The following CDCA7L variants were observed in gnomAD, a reference collection of about 807,000 sequenced individuals.
CDCA7L encodes the protein cell division cycle-associated 7-like protein.
CDCA7L carries 44 observed loss-of-function variants against 57.4 expected under a neutral mutation model. The observed-to-expected ratio is 0.77, with a 90% CI of 0.60 to 0.98. The LOEUF is 0.98. Ranked by LOEUF, CDCA7L falls within the 50% of genes least tolerant of loss-of-function variation. CDCA7L has a pLI of 0.00. For missense variants in CDCA7L, 644 were observed against 580.6 expected (o/e 1.11, Z -1.12); for synonymous variants, 236 against 202.8 (o/e 1.16, Z -1.39).
chr7:21,910,431 C>G (rs973324587), intron 3 of CDCA7L, among the ~76,000 whole-genome samples: 1 of 152,120 alleles, frequency 6.6e-6, no homozygotes, highest in African/African-American at 2.4e-5. Flanking sequence ...GGCTTTTATG[C>G]TCTACATTCT....
At chr7:21,930,467 T>A (rs1008294154) in intron 1 of CDCA7L, among the ~76,000 whole-genome samples, 12 of 151,574 alleles carry the variant, frequency 7.9e-5, no homozygotes, top group African/African-American at 2.9e-4. Context: ...GAGGCCGAGG[T>A]GGGCAGATCA....
rs1784877642 is a variant in CDCA7L at position 21,901,767 on chromosome 7, C to CAATGTTG, written c.*554_*555insCAACATT. Reference sequence around the variant, plus strand: ...AGCACTCTGTAAGGCCTCCAGTGTCCAGTGTCTACAATGTTGATGGTCCCC... The same window carrying CAATGTTG: ...AGCACTCTGTAAGGCCTCCAGTGTCCAATGTTGAGTGTCTACAATGTTGATGGTCCCC... On this transcript the variant is annotated 3_prime_UTR_variant, in exon 10 of 10. Transcript: ENST00000406877. 7.7e-6 allele frequency: 1 copy of CAATGTTG among 129,492 alleles called. No homozygotes were observed. Among genetic ancestry groups the CAATGTTG allele is most frequent in the Non-Finnish European group, 1.8e-5 (1 of 56,946 alleles). 8.0% of individuals were successfully genotyped at this position (129,492 alleles called of 1,614,324 possible).
chr7:21,911,313 C>A (rs377090036), intron 3 of CDCA7L, among the ~76,000 whole-genome samples: 35 of 151,972 alleles, frequency 2.3e-4, no homozygotes, highest in African/African-American at 7.5e-4. Context: ...AGGTATGAGC[C>A]ACCGTGCCTG....
At chr7:21,920,148 G>C (rs1785606828) in intron 1 of CDCA7L, among the ~76,000 whole-genome samples, 1 of 152,086 alleles carries the variant, frequency 6.6e-6, no homozygotes, top group Non-Finnish European at 1.5e-5. Flanking sequence ...CTCCACTTTG[G>C]CTTTTGCACA....
intron 1 of CDCA7L, among the ~76,000 whole-genome samples, chr7:21,939,232 G>C (rs1583880158): frequency 6.6e-6 from 1 of 152,256 alleles, no homozygotes; most frequent in East Asian, 1.9e-4. Context: ...TAGGTAGAGA[G>C]TTTCAGTTTA....
chr7:21,924,695 AAGATACAACACC>A lies in CDCA7L; in HGVS notation c.25-7813_25-7802del, dbSNP rs1233068564. On this transcript the variant is annotated intron_variant, in intron 1 of 9. Transcript: ENST00000406877. ...ACCTTAAGTTAGGCAAAGAATTCTTAAGATACAACACCAGATACAACACAATACAGATCTTTA... is the reference window on the plus strand; with the variant it reads ...ACCTTAAGTTAGGCAAAGAATTCTTAAGATACAACACAATACAGATCTTTA... 6.6e-5 allele frequency among the ~76,000 whole-genome samples: 10 copies of A among 152,228 alleles called. No homozygotes were observed. In the South Asian group the frequency reaches 1.2e-3, roughly 19 times the overall value.
intron 1 of CDCA7L, among the ~76,000 whole-genome samples, chr7:21,917,219 C>T (rs1323108365): frequency 6.6e-6 from 1 of 152,020 alleles, no homozygotes; most frequent in Admixed American, 6.6e-5. Flanking sequence ...TCTTTTTTCT[C>T]CTACAGTGGA....
intron 1 of CDCA7L, among the ~76,000 whole-genome samples, chr7:21,918,917 A>C (rs1785572840): frequency 1.3e-5 from 2 of 152,206 alleles, no homozygotes; most frequent in Non-Finnish European, 2.9e-5. Flanking sequence ...GAGACTTGAG[A>C]TTCTGTGAAT....
rs768997741 is a variant in CDCA7L, at chr7:21,908,363, T to C, written c.448A>G (p.Thr150Ala). Reference protein sequence around the residue: ...IGLRVAFQFPTKKLANKPDKN... With the variant: ...IGLRVAFQFPAKKLANKPDKN... ...TCTGGTTTGTTGGCCAGCTTCTTGG[T>C]GGGGAACTGAAAGGCTACTCGAAGA... Residue 150 changes from threonine to alanine, a missense_variant, in exon 4 of 10, where the codon ACC (threonine) becomes GCC (alanine). By Grantham distance (58) the Thr-to-Ala change is moderately conservative (BLOSUM62 0). Transcript: ENST00000406877. 1.2e-6 allele frequency: 2 copies of C among 1,610,900 alleles called. No individual in the cohort carries two copies. The highest frequency in any genetic ancestry group is 1.7e-6 in the Non-Finnish European group (2 of 1,179,208).
intron 1 of CDCA7L, among the ~76,000 whole-genome samples, chr7:21,930,010 T>C (rs1785955916): frequency 6.6e-6 from 1 of 152,158 alleles, no homozygotes; most frequent in Non-Finnish European, 1.5e-5. Flanking sequence ...ATCAACAGAA[T>C]ATACATTCTT....
intron 6 of CDCA7L, 49 bp downstream of exon 6, chr7:21,906,240 G>A (rs1785134460): frequency 2.6e-6 from 4 of 1,532,390 alleles, no homozygotes; most frequent in African/African-American, 1.4e-5. Flanking sequence ...CACGTTTGGA[G>A]GGATGGTAGC....
Position 21,906,463 on chromosome 7 carries a change from T to C in CDCA7L, c.754-7A>G, listed in dbSNP as rs549290765. ...GCCTCACTGTCTTCTTCCTCTGAAA[T>C]CAAGAGCACAGACAGAGACAACTGG... On this transcript the variant is annotated splice_region_variant and splice_polypyrimidine_tract_variant and intron_variant, in intron 5 of 9. Transcript: ENST00000406877. 5.0e-6 allele frequency: 8 copies of C among 1,608,746 alleles called. No homozygotes were observed. In the African/African-American group the frequency reaches 9.4e-5, roughly 19 times the overall value.
At chr7:21,908,107 G>C in intron 4 of CDCA7L, 23 bp downstream of exon 4, 1 of 1,498,830 alleles carries the variant, frequency 6.7e-7, no homozygotes, top group Non-Finnish European at 8.8e-7. Context: ...CCAACTCCCA[G>C]GACGCCCTCC....
At chr7:21,903,808 G>C (rs1245999824) in intron 8 of CDCA7L, 6 of 246,702 alleles carry the variant, frequency 2.4e-5, no homozygotes, top group Admixed American at 5.1e-5. Context: ...AAATCAGAGG[G>C]AAATCACTTT....
rs576340869 is a variant in CDCA7L, at chr7:21,929,101, G to A, written c.25-12207C>T. ...AAGGGAAGCCCATCAGACTAACAGC[G>A]GATCTCTAGGCAGAAACCCTACAAG... On this transcript the variant is annotated intron_variant, in intron 1 of 9. Transcript: ENST00000406877. 5.6e-4 allele frequency among the ~76,000 whole-genome samples: 85 copies of A among 152,230 alleles called. 1 individual carries two copies. The highest frequency in any genetic ancestry group is 1.9e-3 in the African/African-American group (78 of 41,532).
chr7:21,920,049 T>G (rs370460923), intron 1 of CDCA7L, among the ~76,000 whole-genome samples: 2 of 152,370 alleles, frequency 1.3e-5, no homozygotes, highest in East Asian at 3.9e-4. Flanking sequence ...GACATTTTCT[T>G]TTTAAATTGA....
At chr7:21,922,397 G>A (rs1785679184) in intron 1 of CDCA7L, among the ~76,000 whole-genome samples, 1 of 152,102 alleles carries the variant, frequency 6.6e-6, no homozygotes, top group Non-Finnish European at 1.5e-5. Context: ...CATATATCAG[G>A]GAAGGCAGGC....
chr7:21,905,715 A>G, intron 6 of CDCA7L, 84 bp from the exon 7 acceptor site: 3 of 1,426,100 alleles, frequency 2.1e-6, no homozygotes, highest in Non-Finnish European at 2.8e-6. Flanking sequence ...TCAAAGATCT[A>G]GCACCATTAA....
At chr7:21,933,137 A>G (rs561724914) in intron 1 of CDCA7L, among the ~76,000 whole-genome samples, 80 of 152,356 alleles carry the variant, frequency 5.3e-4, no homozygotes, top group African/African-American at 1.8e-3. Flanking sequence ...CGAACATTAA[A>G]AAGTCAGGAA....
Sources: allele counts gnomAD v4.1 joint callset (sites outside exome capture counted in the v4.1 genomes callset), GRCh38; gene constraint gnomAD v4.1.1; transcripts MANE v1.5; gene names NCBI Gene and HGNC (gene_info 2026-07-23, HGNC 2026-07-21).